Variants in PITPNB observed in about 807,000 individuals in gnomAD.
The protein encoded by PITPNB is phosphatidylinositol transfer protein beta isoform.
A neutral mutation model predicts 45.9 loss-of-function variants in PITPNB; 16 were observed. The ratio of observed to expected loss-of-function variants is 0.35; its 90% CI spans 0.24 to 0.53. PITPNB has a LOEUF of 0.53. PITPNB is among the 20% of genes least tolerant of loss of function. The pLI is 0.93. For missense variants in PITPNB, 188 were observed against 330.5 expected (o/e 0.57, Z 3.34); for synonymous variants, 112 against 108.9 (o/e 1.03, Z -0.18).
intron 7 of PITPNB, among the ~76,000 whole-genome samples, chr22:27,891,698 C>T (rs990376948): frequency 5.3e-5 from 8 of 152,112 alleles, no homozygotes; most frequent in East Asian, 1.9e-4. Flanking sequence ...TCTCTCCTGC[C>T]GCCATGTAAA....
chr22:27,884,451 A>C (rs1292241944), intron 7 of PITPNB, among the ~76,000 whole-genome samples: 1 of 152,166 alleles, frequency 6.6e-6, no homozygotes, highest in Non-Finnish European at 1.5e-5. Context: ...GACCCCTCCT[A>C]CTCTGCAGGG....
intron 1 of PITPNB, among the ~76,000 whole-genome samples, chr22:27,915,553 C>T (rs1339361390): frequency 6.6e-6 from 1 of 152,114 alleles, no homozygotes; most frequent in Non-Finnish European, 1.5e-5. Context: ...CAATCTCCAA[C>T]ATGCACAAGT....
chr22:27,869,864 G>T (rs1409103780), intron 8 of PITPNB, among the ~76,000 whole-genome samples: 1 of 152,174 alleles, frequency 6.6e-6, no homozygotes, highest in East Asian at 1.9e-4. Context: ...TGAGGGTTAA[G>T]TTATAACTTG....
chr22:27,916,320 T>C (rs1936073288), intron 1 of PITPNB, among the ~76,000 whole-genome samples: 1 of 152,228 alleles, frequency 6.6e-6, no homozygotes. Context: ...CTAAAAGCAG[T>C]ATTCAACTTT....
chr22:27,877,396 G>GA (rs985181045), intron 7 of PITPNB, among the ~76,000 whole-genome samples: 1 of 151,906 alleles, frequency 6.6e-6, no homozygotes, highest in South Asian at 2.1e-4. Context: ...TCTTATTTAA[G>GA]AAAAAAAGGC....
intron 7 of PITPNB, among the ~76,000 whole-genome samples, chr22:27,884,674 C>CT (rs1423152651): frequency 6.6e-6 from 1 of 152,180 alleles, no homozygotes; most frequent in Non-Finnish European, 1.5e-5. Context: ...AAGCATTACA[C>CT]TCAAACATGC....
At chr22:27,875,563 A>C (rs555667884) in intron 7 of PITPNB, among the ~76,000 whole-genome samples, 1 of 152,350 alleles carries the variant, frequency 6.6e-6, no homozygotes, top group Non-Finnish European at 1.5e-5. Context: ...TATTAACATA[A>C]ATAAACCTGT....
intron 3 of PITPNB, among the ~76,000 whole-genome samples, chr22:27,909,341 T>C (rs1213460789): frequency 1.3e-5 from 2 of 151,388 alleles, no homozygotes; most frequent in Non-Finnish European, 2.9e-5. Context: ...TCTGGGATTA[T>C]AGGCCTGAGC....
At chr22:27,897,185 A>T in intron 4 of PITPNB, 48 bp from the exon 5 acceptor site, 1 of 1,321,462 alleles carries the variant, frequency 7.6e-7, no homozygotes, top group Admixed American at 1.7e-5. Flanking sequence ...AAATTTCAGA[A>T]TATTAATTGG....
chr22:27,891,762 C>T (rs1314313874), intron 7 of PITPNB, among the ~76,000 whole-genome samples: 2 of 152,176 alleles, frequency 1.3e-5, no homozygotes, highest in Admixed American at 1.3e-4. Context: ...GCCTCCCCAG[C>T]CATGCAGAAC....
chr22:27,901,221 G>A (rs1314804745), intron 3 of PITPNB, among the ~76,000 whole-genome samples: 1 of 152,156 alleles, frequency 6.6e-6, no homozygotes, highest in Non-Finnish European at 1.5e-5. Context: ...CTCCCACTCT[G>A]AATAGTACTT....
At chr22:27,913,524 T>TACAC (rs1439584251) in intron 2 of PITPNB, among the ~76,000 whole-genome samples, 3 of 152,234 alleles carry the variant, frequency 2.0e-5, no homozygotes, top group African/African-American at 7.2e-5. Context: ...TTGTCTACAA[T>TACAC]ACACATGGCT....
rs530567410 is a variant in PITPNB at position 27,886,785 on chromosome 22, T to A, written c.456+7770A>T. ...TTCTTGCACTCCCAACTATTTCATGTTTGTCCTGACTCTGAGGACTTCACT... is the reference window on the plus strand; with the variant it reads ...TTCTTGCACTCCCAACTATTTCATGATTGTCCTGACTCTGAGGACTTCACT... On this transcript the variant is annotated intron_variant, in intron 7 of 11. Transcript: ENST00000335272. Among the ~76,000 whole-genome samples the A allele has an allele frequency of 3.9e-5, 6 of 152,368 alleles. 1 individual carries two copies. In the South Asian group the frequency reaches 1.2e-3, roughly 32 times the overall value.
intron 3 of PITPNB, among the ~76,000 whole-genome samples, chr22:27,903,836 T>C (rs1935683120): frequency 6.6e-6 from 1 of 150,508 alleles, no homozygotes; most frequent in African/African-American, 2.4e-5. Flanking sequence ...GAACAGATAT[T>C]TCTTCAAACA....
At chr22:27,892,850 T>C (rs548134861) in intron 7 of PITPNB, among the ~76,000 whole-genome samples, 4 of 152,322 alleles carry the variant, frequency 2.6e-5, no homozygotes. Context: ...CTCACACTTC[T>C]AAGCAGGAAG....
At chr22:27,876,099 C>T (rs1478756278) in intron 7 of PITPNB, among the ~76,000 whole-genome samples, 1 of 152,192 alleles carries the variant, frequency 6.6e-6, no homozygotes. Context: ...AAACCACAGT[C>T]TGACGAGGAA....
At chr22:27,886,415 A>G (rs1225710554) in intron 7 of PITPNB, among the ~76,000 whole-genome samples, 1 of 152,234 alleles carries the variant, frequency 6.6e-6, no homozygotes, top group East Asian at 1.9e-4. Flanking sequence ...CTGTGACCCT[A>G]GGTCACACTG....
intron 3 of PITPNB, among the ~76,000 whole-genome samples, chr22:27,901,084 C>T (rs35568804): frequency 0.038 from 5,789 of 152,280 alleles, 156 homozygotes; most frequent in South Asian, 0.052. Context: ...AACCAATACT[C>T]GGAACAGCGT....
At chr22:27,882,844 G>A (rs945917761) in intron 7 of PITPNB, among the ~76,000 whole-genome samples, 15 of 152,184 alleles carry the variant, frequency 9.9e-5, no homozygotes, top group Non-Finnish European at 2.2e-4. Flanking sequence ...GCATGTCCGC[G>A]ATTAAGAAAC....
Sources: allele counts gnomAD v4.1 joint callset (sites outside exome capture counted in the v4.1 genomes callset), GRCh38; gene constraint gnomAD v4.1.1; transcripts MANE v1.5; gene names NCBI Gene and HGNC (gene_info 2026-07-23, HGNC 2026-07-21).